The following LRPPRC variants were observed in gnomAD, a reference collection of about 807,000 sequenced individuals.
The protein encoded by LRPPRC is leucine-rich PPR motif-containing protein, mitochondrial.
Under a neutral mutation model 180.3 loss-of-function variants are expected in LRPPRC, and 120 were observed. That is an observed-to-expected ratio of 0.67 (90% CI 0.57 to 0.77). The LOEUF (loss-of-function observed/expected upper bound fraction) is 0.77. Among genes scored for constraint, LRPPRC ranks in the 30% least tolerant of loss-of-function variants. The pLI is 0.00. For synonymous variants in LRPPRC, 723 were observed against 600.0 expected, an observed-to-expected ratio of 1.21 and a Z score of -3.00; for missense variants, 2,012 against 1,657.2, an observed-to-expected ratio of 1.21 and a Z score of -3.72.
intron 13 of LRPPRC, among the ~76,000 whole-genome samples, chr2:43,958,790 G>C (rs1373036062): frequency 6.6e-6 from 1 of 152,076 alleles, no homozygotes; most frequent in Non-Finnish European, 1.5e-5. Context: ...GCATTCCTAA[G>C]AGCTGCCTGA....
intron 23 of LRPPRC, among the ~76,000 whole-genome samples, chr2:43,937,327 T>C (rs1001609208): frequency 1.1e-4 from 16 of 152,136 alleles, no homozygotes; most frequent in African/African-American, 3.9e-4. Context: ...ATGAAATACC[T>C]CATACAAAGT....
At chr2:43,986,077 C>T (rs757430456) in intron 1 of LRPPRC, among the ~76,000 whole-genome samples, 2 of 152,028 alleles carry the variant, frequency 1.3e-5, no homozygotes, top group Non-Finnish European at 1.5e-5. Context: ...AACATCTTTT[C>T]GTATGCTTAT....
chr2:43,962,200 G>C (rs376419787), intron 12 of LRPPRC, among the ~76,000 whole-genome samples: 2 of 152,120 alleles, frequency 1.3e-5, no homozygotes, highest in Non-Finnish European at 2.9e-5. Context: ...CACTGATCTG[G>C]GGGCTGTATT....
intron 23 of LRPPRC, among the ~76,000 whole-genome samples, chr2:43,942,124 A>G (rs1672504147): frequency 6.6e-6 from 1 of 152,116 alleles, no homozygotes; most frequent in Admixed American, 6.6e-5. Context: ...CCCCATCTGC[A>G]GACCTCTTTC....
intron 25 of LRPPRC, among the ~76,000 whole-genome samples, chr2:43,933,306 T>C (rs780330255): frequency 2.0e-5 from 3 of 152,150 alleles, no homozygotes; most frequent in Non-Finnish European, 4.4e-5. Flanking sequence ...ATATTTTCAG[T>C]TTCATGATAA....
chr2:43,928,841 T>G (rs928598984), intron 25 of LRPPRC, among the ~76,000 whole-genome samples: 3 of 151,934 alleles, frequency 2.0e-5, no homozygotes, highest in African/African-American at 7.3e-5. Context: ...AATACAGGGG[T>G]TAGAGTTTGA....
At chr2:43,898,769 G>C (rs1394293007) in intron 34 of LRPPRC, among the ~76,000 whole-genome samples, 1 of 152,190 alleles carries the variant, frequency 6.6e-6, no homozygotes, top group African/African-American at 2.4e-5. Flanking sequence ...GAGTATTCAA[G>C]TGAGAAGCTG....
chr2:43,990,308 T>C (rs6709791), intron 1 of LRPPRC, among the ~76,000 whole-genome samples: 1 of 151,996 alleles, frequency 6.6e-6, no homozygotes, highest in African/African-American at 2.4e-5. Context: ...CTGCTAACAC[T>C]CTCACCAATC....
chr2:43,925,858 T>A, intron 26 of LRPPRC, 35 bp downstream of exon 26: 1 of 1,461,154 alleles, frequency 6.8e-7, no homozygotes, highest in Non-Finnish European at 9.6e-7. Context: ...TACTCACACT[T>A]TTAGGTGATT....
At chr2:43,889,247 G>T (rs562299814) in intron 37 of LRPPRC, among the ~76,000 whole-genome samples, 1 of 142,580 alleles carries the variant, frequency 7.0e-6, no homozygotes, top group East Asian at 2.2e-4. Flanking sequence ...CCTGGGAGGC[G>T]GAGGTTGCAG....
rs1674223274 is a variant in LRPPRC at position 43,979,834 on chromosome 2, T to C, written c.461A>G (p.Gln154Arg). 1.9e-6 allele frequency: 3 copies of C among 1,613,176 alleles called. No individual in the cohort carries two copies. Among genetic ancestry groups the C allele is most frequent in the Non-Finnish European group, 2.5e-6 (3 of 1,179,312 alleles). ...EFAHRIWDTLQKLGAVYDVSH... is the reference protein window; with the variant it reads ...EFAHRIWDTLRKLGAVYDVSH... Reference sequence around the variant, plus strand: ...TATTTAAACAATCATACCTAATTTCTGAAGTGTGTCCCATATCCTATGAGC... The same window carrying C: ...TATTTAAACAATCATACCTAATTTCCGAAGTGTGTCCCATATCCTATGAGC... Residue 154 changes from glutamine to arginine, a missense_variant, in exon 3 of 38, where the codon CAG (glutamine) becomes CGG (arginine). Physicochemically the swap from Gln to Arg is conservative, Grantham distance 43. Coordinates refer to ENST00000260665, the MANE Select transcript of LRPPRC (RefSeq NM_133259.4).
At chr2:43,967,193 ATT>A (rs1249785560) in intron 11 of LRPPRC, among the ~76,000 whole-genome samples, 1 of 151,892 alleles carries the variant, frequency 6.6e-6, no homozygotes. Flanking sequence ...GAACCCAGGA[ATT>A]TGAGACCAGC....
In LRPPRC at chr2:43,887,422, C is replaced by T. The variant is rs567517015; in HGVS notation, c.*1178G>A. 1 of 152,356 alleles carries T rather than the reference C, an allele frequency of 6.6e-6. No individual in the cohort carries two copies. Among genetic ancestry groups the T allele is most frequent in the African/African-American group, 2.4e-5 (1 of 41,560 alleles). 9.4% of individuals were successfully genotyped at this position (152,356 alleles called of 1,614,324 possible). On this transcript the variant is annotated 3_prime_UTR_variant, in exon 38 of 38. Coordinates refer to ENST00000260665, the MANE Select transcript of LRPPRC (RefSeq NM_133259.4). ...ATGCAGGAGAGAGAGTTCCACAAGA[C>T]AGAAGGTCAACAGCACAAGTTGCAA...
chr2:43,913,170 T>C (rs929857832), intron 29 of LRPPRC, among the ~76,000 whole-genome samples: 2 of 152,216 alleles, frequency 1.3e-5, no homozygotes, highest in Admixed American at 6.5e-5. Flanking sequence ...CAACATTTGT[T>C]TGACTGATTA....
chr2:43,978,233 T>C (rs868523838), intron 3 of LRPPRC, among the ~76,000 whole-genome samples: 26 of 152,152 alleles, frequency 1.7e-4, no homozygotes, highest in African/African-American at 6.3e-4. Flanking sequence ...AGATCTCTTG[T>C]ATCTTTATAA....
chr2:43,978,824 T>A (rs1195849663), intron 3 of LRPPRC, among the ~76,000 whole-genome samples: 1 of 152,090 alleles, frequency 6.6e-6, no homozygotes, highest in Non-Finnish European at 1.5e-5. Context: ...GTAGCTATAC[T>A]TTCTTGGATT....
intron 2 of LRPPRC, among the ~76,000 whole-genome samples, chr2:43,982,024 C>T (rs187145666): frequency 6.6e-6 from 1 of 152,264 alleles, no homozygotes; most frequent in African/African-American, 2.4e-5. Flanking sequence ...TCTCATGCCT[C>T]AGCCTCCCAA....
At chr2:43,948,717 T>C (rs1199714046) in intron 16 of LRPPRC, among the ~76,000 whole-genome samples, 199 bp from the exon 17 acceptor site, 2 of 152,172 alleles carry the variant, frequency 1.3e-5, no homozygotes, top group Non-Finnish European at 2.9e-5. Context: ...GGAATATTAA[T>C]TATTTTCAGA....
chr2:43,927,912 T>C (rs1412707027), intron 25 of LRPPRC, among the ~76,000 whole-genome samples: 2 of 152,234 alleles, frequency 1.3e-5, no homozygotes, highest in Non-Finnish European at 2.9e-5. Context: ...TTCTGGCTTA[T>C]CTCTTAACAT....
Sources: gnomAD v4.1 joint callset for allele counts (sites outside exome capture counted in the v4.1 genomes callset) on GRCh38, gnomAD v4.1.1 for gene constraint, MANE v1.5 for transcripts, NCBI Gene and HGNC (gene_info 2026-07-23, HGNC 2026-07-21) for gene names.